Variants in CNKSR3 observed in about 807,000 individuals in gnomAD.
CNKSR3 encodes connector enhancer of kinase suppressor of ras 3.
Under a neutral mutation model 67.7 loss-of-function variants are expected in CNKSR3, and 36 were observed. The observed-to-expected ratio is 0.53, with a 90% confidence interval of 0.41 to 0.70. CNKSR3 has a LOEUF of 0.70. Ranked by LOEUF, CNKSR3 falls within the 30% of genes least tolerant of loss-of-function variation. The probability of loss-of-function intolerance (pLI) is 0.00; values close to 1 mark genes in which losing one functional copy is unlikely to be tolerated. For synonymous variants in CNKSR3, 281 were observed against 271.4 expected, an observed-to-expected ratio of 1.04 and a Z score of -0.35; for missense variants, 630 against 695.2, an observed-to-expected ratio of 0.91 and a Z score of 1.05.
intron 1 of CNKSR3, among the ~76,000 whole-genome samples, chr6:154,469,787 T>TA (rs1786283599): frequency 6.6e-6 from 1 of 152,132 alleles, no homozygotes; most frequent in South Asian, 2.1e-4. Flanking sequence ...CCCCTCATAG[T>TA]AAAAAATCCA....
chr6:154,434,753 CTTAA>C (rs1293025063), intron 4 of CNKSR3, among the ~76,000 whole-genome samples: 1 of 152,126 alleles, frequency 6.6e-6, no homozygotes, highest in East Asian at 1.9e-4. Context: ...TTGATATTAT[CTTAA>C]ACTACAGGAG....
intron 1 of CNKSR3, among the ~76,000 whole-genome samples, chr6:154,464,693 C>T (rs1007814546): frequency 2.8e-5 from 4 of 142,010 alleles, no homozygotes; most frequent in African/African-American, 5.3e-5. Context: ...TCCAGCCTGG[C>T]GACAGAGCAA....
At chr6:154,506,405 C>A (rs1342458943) in intron 1 of CNKSR3, among the ~76,000 whole-genome samples, 1 of 152,154 alleles carries the variant, frequency 6.6e-6, no homozygotes, top group Non-Finnish European at 1.5e-5. Flanking sequence ...GCCTTCCCTG[C>A]TGCATGAGGT....
intron 1 of CNKSR3, among the ~76,000 whole-genome samples, chr6:154,482,593 G>A (rs962502052): frequency 1.3e-5 from 2 of 152,172 alleles, no homozygotes; most frequent in African/African-American, 2.4e-5. Context: ...TTCAAACTGT[G>A]CAGAAATCCA....
intron 1 of CNKSR3, among the ~76,000 whole-genome samples, chr6:154,496,305 G>C (rs1245049075): frequency 1.3e-5 from 2 of 152,148 alleles, no homozygotes; most frequent in Non-Finnish European, 2.9e-5. Context: ...AGGTAATAGA[G>C]AACAGCAAAG....
At chr6:154,493,878 C>A (rs1233473114) in intron 1 of CNKSR3, among the ~76,000 whole-genome samples, 1 of 152,086 alleles carries the variant, frequency 6.6e-6, no homozygotes, top group East Asian at 1.9e-4. Context: ...CACCTCCCAC[C>A]AGGTCCCTCC....
At chr6:154,472,918 C>A (rs543902229) in intron 1 of CNKSR3, among the ~76,000 whole-genome samples, 40 of 152,106 alleles carry the variant, frequency 2.6e-4, no homozygotes, top group Admixed American at 1.6e-3. Flanking sequence ...ACAATAGGAA[C>A]CTCCCTTTCT....
chr6:154,483,869 A>T (rs1786615248), intron 1 of CNKSR3, among the ~76,000 whole-genome samples: 1 of 152,134 alleles, frequency 6.6e-6, no homozygotes, highest in African/African-American at 2.4e-5. Context: ...CAAACCCAAC[A>T]CTGAGTCTAG....
intron 1 of CNKSR3, among the ~76,000 whole-genome samples, chr6:154,486,917 C>T (rs373101083): frequency 2.0e-5 from 3 of 152,160 alleles, no homozygotes; most frequent in East Asian, 3.9e-4. Context: ...GCAGTCCTCT[C>T]GCCTCAGCCT....
chr6:154,441,255 A>AG lies in CNKSR3; in HGVS notation c.507+36_507+37insC, dbSNP rs778186323. On this transcript the variant is annotated intron_variant, in intron 4 of 12. Coordinates refer to ENST00000607772, the MANE Select transcript of CNKSR3 (RefSeq NM_173515.4). Reference sequence around the variant, plus strand: ...GAAGAGGAAAAGCAAAAAAAAAAAAAAAAAAAAAAAGAAAGTGAAAATGAC... The same window carrying AG: ...GAAGAGGAAAAGCAAAAAAAAAAAAAGAAAAAAAAAAGAAAGTGAAAATGAC... 10 of 1,273,680 alleles carry AG rather than the reference A, an allele frequency of 7.9e-6. No individual in the cohort carries two copies. In the Admixed American group the frequency reaches 2.1e-4, roughly 27 times the overall value. The allele number at this position is 1,273,680 out of a possible 1,614,324, so 78.9% of individuals were successfully genotyped here.
At chr6:154,487,591 G>A (rs1157867243) in intron 1 of CNKSR3, among the ~76,000 whole-genome samples, 1 of 152,148 alleles carries the variant, frequency 6.6e-6, no homozygotes, top group Non-Finnish European at 1.5e-5. Context: ...CAAACACACT[G>A]ATTTATCCAG....
intron 1 of CNKSR3, among the ~76,000 whole-genome samples, chr6:154,497,386 G>C (rs1786901301): frequency 6.6e-6 from 1 of 151,986 alleles, no homozygotes; most frequent in Admixed American, 6.6e-5. Context: ...GGAAGACCCT[G>C]TCTCAAAAAC....
chr6:154,450,092 A>T lies in CNKSR3; in HGVS notation c.216+3T>A. 3 of 1,613,870 alleles carry T rather than the reference A, an allele frequency of 1.9e-6. No individual in the cohort carries two copies. The highest frequency in any genetic ancestry group is 2.5e-6 in the Non-Finnish European group (3 of 1,179,894). On this transcript the variant is annotated splice_donor_region_variant and intron_variant, in intron 2 of 12. Coordinates refer to ENST00000607772, the MANE Select transcript of CNKSR3 (RefSeq NM_173515.4). ...GGTACAGACCGTCTTTTCCTGAACT[A>T]ACCAGTGCACAGAGAAGGTCCACAG... is the stretch of plus-strand genomic sequence containing the variant.
chr6:154,466,532 G>T (rs535788819), intron 1 of CNKSR3, among the ~76,000 whole-genome samples: 1 of 152,066 alleles, frequency 6.6e-6, no homozygotes, highest in African/African-American at 2.4e-5. Context: ...ATCCCTTAAA[G>T]AAAACATGTT....
Position 154,422,540 on chromosome 6 carries a change from A to C in CNKSR3, c.911T>G (p.Leu304Arg), listed in dbSNP as rs756317238. The change falls in exon 9 of 13, where the codon CTG becomes CGG. Residue 304 changes from leucine to arginine, a missense_variant. Coordinates refer to ENST00000607772, the MANE Select transcript of CNKSR3 (RefSeq NM_173515.4). Reference sequence around the variant, plus strand: ...AGGTGGCTTCCACCGTAGGTTTTTCAGGGGAGCAGGAGTAAAGTTGAAAGA... The same window carrying C: ...AGGTGGCTTCCACCGTAGGTTTTTCCGGGGAGCAGGAGTAAAGTTGAAAGA... The part of the protein sequence containing the change: ...TGSFNFTPAP[L>R]KNLRWKPPLV... 4 of 1,614,124 alleles carry C rather than the reference A, an allele frequency of 2.5e-6. No homozygotes were observed. In the Admixed American group the frequency reaches 6.7e-5, roughly 27 times the overall value.
At chr6:154,496,514 C>T (rs370683337) in intron 1 of CNKSR3, among the ~76,000 whole-genome samples, 1 of 152,188 alleles carries the variant, frequency 6.6e-6, no homozygotes, top group East Asian at 1.9e-4. Context: ...ATAAAGCCAT[C>T]TTTCATTCTA....
At chr6:154,420,225 T>TAAA (rs35213451) in intron 9 of CNKSR3, among the ~76,000 whole-genome samples, 1 of 145,294 alleles carries the variant, frequency 6.9e-6, no homozygotes. Context: ...ATGTGGAATC[T>TAAA]AAAAAAAAAA....
At chr6:154,456,186 T>C (rs1785950245) in intron 1 of CNKSR3, among the ~76,000 whole-genome samples, 2 of 152,170 alleles carry the variant, frequency 1.3e-5, no homozygotes, top group Non-Finnish European at 2.9e-5. Context: ...CAAGCTCAAG[T>C]TGGCAGAAGC....
chr6:154,450,094 C>T lies in CNKSR3; in HGVS notation c.216+1G>A. Reference sequence around the variant, plus strand: ...TACAGACCGTCTTTTCCTGAACTAACCAGTGCACAGAGAAGGTCCACAGCC... The same window carrying T: ...TACAGACCGTCTTTTCCTGAACTAATCAGTGCACAGAGAAGGTCCACAGCC... On this transcript the variant is annotated splice_donor_variant, in intron 2 of 12. Coordinates refer to ENST00000607772, the MANE Select transcript of CNKSR3 (RefSeq NM_173515.4). LOFTEE classifies it high-confidence loss of function. 1 of 1,613,882 alleles carries T rather than the reference C, an allele frequency of 6.2e-7. No homozygotes were observed. Among genetic ancestry groups the T allele is most frequent in the Non-Finnish European group, 8.5e-7 (1 of 1,179,892 alleles).
Sources: gnomAD v4.1 joint callset for allele counts (sites outside exome capture counted in the v4.1 genomes callset) on GRCh38, gnomAD v4.1.1 for gene constraint, MANE v1.5 for transcripts, NCBI Gene and HGNC (gene_info 2026-07-23, HGNC 2026-07-21) for gene names.